The following CBL variants were observed in gnomAD, a reference collection of about 807,000 sequenced individuals.
CBL encodes Cbl proto-oncogene, also known as E3 ubiquitin-protein ligase CBL.
CBL carries 45 observed loss-of-function variants against 96.9 expected under a neutral mutation model. The observed-to-expected ratio is 0.46, with a 90% CI of 0.37 to 0.60. The LOEUF (loss-of-function observed/expected upper bound fraction) is 0.60, where lower values mean the gene tolerates loss of function less well. CBL is among the 20% of genes least tolerant of loss of function. The pLI is 0.00. For synonymous variants in CBL, 420 were observed against 426.8 expected, an observed-to-expected ratio of 0.98 and a Z score of 0.20; for missense variants, 1,024 against 1,143.5, an observed-to-expected ratio of 0.90 and a Z score of 1.51.
chr11:119,297,529 A>G (rs1950072863), intron 14 of CBL, 48 bp downstream of exon 14: 1 of 1,344,450 alleles, frequency 7.4e-7, no homozygotes. Context: ...TGTCATAGGA[A>G]TGAACATGTA....
intron 1 of CBL, among the ~76,000 whole-genome samples, chr11:119,211,511 A>G (rs1949318742): frequency 6.6e-6 from 1 of 151,658 alleles, no homozygotes. Flanking sequence ...AACTCTTTTT[A>G]TTTTTTATTT....
At chr11:119,275,964 TC>T in intron 5 of CBL, 32 bp from the exon 6 acceptor site, 2 of 1,610,450 alleles carry the variant, frequency 1.2e-6, no homozygotes, top group Non-Finnish European at 1.7e-6. Context: ...ACCAGCATAA[TC>T]TACTAAAGCT....
At chr11:119,279,491 C>CCA in intron 9 of CBL, among the ~76,000 whole-genome samples, 1 of 119,558 alleles carries the variant, frequency 8.4e-6, no homozygotes, top group East Asian at 2.7e-4. Context: ...ATGCCCCCCC[C>CCA]TAAAAAAAAA....
intron 1 of CBL, among the ~76,000 whole-genome samples, chr11:119,230,554 A>G (rs898501007): frequency 6.6e-6 from 1 of 152,256 alleles, no homozygotes; most frequent in Non-Finnish European, 1.5e-5. Context: ...AAGAAAACTT[A>G]GAAGACATAG....
intron 2 of CBL, among the ~76,000 whole-genome samples, chr11:119,244,812 A>G (rs547528734): frequency 5.3e-5 from 8 of 151,806 alleles, no homozygotes; most frequent in African/African-American, 1.7e-4. Context: ...TTACCTTACC[A>G]TAGTGCTGGG....
At chr11:119,262,777 T>C (rs1949763859) in intron 2 of CBL, among the ~76,000 whole-genome samples, 1 of 152,160 alleles carries the variant, frequency 6.6e-6, no homozygotes, top group Non-Finnish European at 1.5e-5. Context: ...AGCAAGTTGC[T>C]GTAGGGGGTT....
At chr11:119,214,769 C>T (rs1949344964) in intron 1 of CBL, among the ~76,000 whole-genome samples, 1 of 151,950 alleles carries the variant, frequency 6.6e-6, no homozygotes, top group Admixed American at 6.6e-5. Context: ...GATTGTAGTT[C>T]ACCTTTTAGC....
Position 119,299,525 on chromosome 11 carries a change from G to T in CBL, c.2465G>T (p.Arg822Met). 6.2e-7 allele frequency: 1 copy of T among 1,614,122 alleles called. No homozygotes were observed. The highest frequency in any genetic ancestry group is 1.7e-5 in the Admixed American group (1 of 60,014). Residue 822 changes from arginine (R) to methionine (M), a missense_variant, in exon 16 of 16, where the codon AGG becomes ATG. Arg to Met is a moderately conservative substitution (Grantham distance 91, BLOSUM62 -1). Around this residue, in one of 4 missense-constraint regions of CBL, gnomAD observed 695 missense variants for 661.6 expected, o/e 1.05. Transcript: ENST00000264033. ...NVTEGSQVPE[R>M]PPKPFPRRIN... ...ACTGAAGGTTCCCAAGTTCCCGAGA[G>T]GCCTCCAAAACCATTCCCGCGGAGA...
At position 119,300,312 on chromosome 11, in the gene CBL, A is replaced by G; in HGVS notation, c.*531A>G. ...TATACCCAAGCCTAGTGTGTATTAC[A>G]ACTTCAACACTCCCCTTTGGCTTAT... On this transcript the variant is annotated 3_prime_UTR_variant, in exon 16 of 16. Coordinates refer to ENST00000264033, the MANE Select transcript of CBL (RefSeq NM_005188.4). 1 of 418,126 alleles carries G rather than the reference A, an allele frequency of 2.4e-6. No homozygotes were observed. Among genetic ancestry groups the G allele is most frequent in the Non-Finnish European group, 4.2e-6 (1 of 237,238 alleles). 25.9% of individuals were successfully genotyped at this position (418,126 alleles called of 1,614,324 possible). A position where few individuals can be genotyped will look rare whatever the true frequency, so the allele number is the denominator to read the frequency against.
intron 6 of CBL, among the ~76,000 whole-genome samples, chr11:119,276,914 CT>C (rs561170751): frequency 2.0e-5 from 3 of 152,090 alleles, no homozygotes; most frequent in Non-Finnish European, 2.9e-5. Flanking sequence ...TTTCTTAAAC[CT>C]GTAAACCTTC....
intron 2 of CBL, among the ~76,000 whole-genome samples, chr11:119,254,904 G>A (rs1335255728): frequency 2.0e-5 from 3 of 152,056 alleles, no homozygotes; most frequent in East Asian, 1.9e-4. Flanking sequence ...GTCTGGCTGC[G>A]AGTATTTTTT....
Position 119,307,430 on chromosome 11 carries a change from G to T in CBL, c.*7649G>T. On this transcript the variant is annotated 3_prime_UTR_variant, in exon 16 of 16. Coordinates refer to ENST00000264033, the MANE Select transcript of CBL (RefSeq NM_005188.4). ...GATCCTGAACTGGTCTAGACCTCCT[G>T]CCCCCACCCCCCAGCCCCCATCAGA... The T allele has an allele frequency of 4.3e-6, 1 of 232,634 alleles. No individual in the cohort carries two copies. Among genetic ancestry groups the T allele is most frequent in the East Asian group, 6.1e-5 (1 of 16,432 alleles). The allele number at this position is 232,634 out of a possible 1,614,324, so 14.4% of individuals were successfully genotyped here.
At chr11:119,243,126 A>G (rs1678708047) in intron 2 of CBL, among the ~76,000 whole-genome samples, 1 of 152,044 alleles carries the variant, frequency 6.6e-6, no homozygotes, top group Non-Finnish European at 1.5e-5. Context: ...AAAAATACAA[A>G]AATTAGCTGT....
rs138675640 is a variant in CBL, at chr11:119,290,096, A to C, written c.2036+2150A>C. ...CATCTCTGTTTGTTGCCCAGGCTGG[A>C]GTGCAGTGGCGCAGTCTTGGCTCAC... On this transcript the variant is annotated intron_variant, in intron 12 of 15. Transcript: ENST00000264033. 8.4e-3 allele frequency among the ~76,000 whole-genome samples: 1,274 copies of C among 152,072 alleles called. 21 individuals carry two copies. Among genetic ancestry groups the C allele is most frequent in the African/African-American group, 0.029 (1,197 of 41,492 alleles).
intron 6 of CBL, among the ~76,000 whole-genome samples, chr11:119,277,400 A>G (rs1949898352): frequency 6.6e-6 from 1 of 152,178 alleles, no homozygotes; most frequent in African/African-American, 2.4e-5. Context: ...GAAAAAAACA[A>G]TCAGAGAAGA....
rs143858197 is a variant in CBL, at chr11:119,207,495, G to A, written c.195+883G>A. Among the ~76,000 whole-genome samples, 879 of 152,252 alleles carry A rather than the reference G, an allele frequency of 5.8e-3. 8 individuals carry two copies. The highest frequency in any genetic ancestry group is 0.02 in the African/African-American group (823 of 41,548). On this transcript the variant is annotated intron_variant, in intron 1 of 15. Transcript: ENST00000264033. ...TTAAACTTGTTCGTTGAGCTTCTTT[G>A]ATTACGCTTTTTTGTTTGTTTGCTT...
At chr11:119,259,818 G>A (rs571809800) in intron 2 of CBL, among the ~76,000 whole-genome samples, 2 of 152,142 alleles carry the variant, frequency 1.3e-5, no homozygotes, top group African/African-American at 4.8e-5. Flanking sequence ...GACATGGATT[G>A]TATTTCCAAA....
At chr11:119,272,014 C>A in intron 3 of CBL, 133 bp downstream of exon 3, 1 of 830,600 alleles carries the variant, frequency 1.2e-6, no homozygotes, top group South Asian at 1.6e-5. Context: ...TATTTCCTGG[C>A]TTTGGTTAAA....
At position 119,278,504 on chromosome 11, in the gene CBL, C is replaced by T. The variant is rs1291056042; in HGVS notation, c.1228-6C>T. 6.2e-7 allele frequency: 1 copy of T among 1,613,038 alleles called. No homozygotes were observed. The highest frequency in any genetic ancestry group is 8.5e-7 in the Non-Finnish European group (1 of 1,179,108). ...CATCTGTTACTATCTTTTGCTTCTTCTGCAGGAATCAGAAGGTCAGGGCTG... is the reference window on the plus strand; with the variant it reads ...CATCTGTTACTATCTTTTGCTTCTTTTGCAGGAATCAGAAGGTCAGGGCTG... On this transcript the variant is annotated splice_polypyrimidine_tract_variant and splice_region_variant and intron_variant, in intron 8 of 15. Coordinates refer to ENST00000264033, the MANE Select transcript of CBL (RefSeq NM_005188.4).
Sources: allele counts gnomAD v4.1 joint callset (sites outside exome capture counted in the v4.1 genomes callset), GRCh38; gene constraint gnomAD v4.1.1; regional missense constraint gnomAD v4.1.1; transcripts MANE v1.5; gene names NCBI Gene and HGNC (gene_info 2026-07-23, HGNC 2026-07-21).